The following RSRC1 variants were observed in gnomAD, a reference collection of about 807,000 sequenced individuals.
RSRC1 encodes the protein serine/Arginine-related protein 53.
Under a neutral mutation model 49.1 loss-of-function variants are expected in RSRC1, and 39 were observed. That is an observed-to-expected ratio of 0.79 (90% CI 0.61 to 1.04). The LOEUF (loss-of-function observed/expected upper bound fraction) is 1.04, where lower values mean the gene tolerates loss of function less well. RSRC1 is among the 50% of genes least tolerant of loss of function. The pLI is 0.00. For missense variants in RSRC1, 388 were observed against 402.4 expected (o/e 0.96, Z 0.31); for synonymous variants, 143 against 130.8 (o/e 1.09, Z -0.63).
At chr3:158,277,921 G>A (rs1435865188) in intron 4 of RSRC1, among the ~76,000 whole-genome samples, 2 of 152,130 alleles carry the variant, frequency 1.3e-5, no homozygotes, top group Non-Finnish European at 2.9e-5. Flanking sequence ...CCTAGTAGTT[G>A]GGATTATAGG....
intron 4 of RSRC1, among the ~76,000 whole-genome samples, chr3:158,277,456 A>G (rs147176336): frequency 5.8e-4 from 89 of 152,322 alleles, no homozygotes; most frequent in African/African-American, 2.0e-3. Flanking sequence ...CTGCAGATTA[A>G]TCACTTCCAA....
intron 6 of RSRC1, among the ~76,000 whole-genome samples, chr3:158,456,861 A>T (rs1737355534): frequency 6.6e-6 from 1 of 152,126 alleles, no homozygotes; most frequent in South Asian, 2.1e-4. Flanking sequence ...CTTTTTTAAA[A>T]TTTTTTTAAA....
At chr3:158,444,797 A>C (rs1361377776) in intron 6 of RSRC1, among the ~76,000 whole-genome samples, 5 of 152,184 alleles carry the variant, frequency 3.3e-5, no homozygotes, top group African/African-American at 9.7e-5. Flanking sequence ...CAAAGAACTC[A>C]AACAAATTTA....
chr3:158,317,498 G>A (rs1728527440), intron 5 of RSRC1, among the ~76,000 whole-genome samples: 1 of 152,112 alleles, frequency 6.6e-6, no homozygotes, highest in Non-Finnish European at 1.5e-5. Context: ...CCAAAGTGCT[G>A]GTATTACAGG....
rs181664400 is a variant in RSRC1 at position 158,269,608 on chromosome 3, G to A, written c.495-28431G>A. 2.5e-3 allele frequency among the ~76,000 whole-genome samples: 376 copies of A among 152,200 alleles called. 1 individual carries two copies. The highest frequency in any genetic ancestry group is 8.8e-3 in the African/African-American group (364 of 41,508). On this transcript the variant is annotated intron_variant, in intron 4 of 9. Coordinates refer to ENST00000611884, the MANE Select transcript of RSRC1 (RefSeq NM_001271838.2). ...GCTTACTGCAACCTCTGCCTCCCGGGTTGAAGTGACTCTCCTGCCTCAGCC... is the reference window on the plus strand; with the variant it reads ...GCTTACTGCAACCTCTGCCTCCCGGATTGAAGTGACTCTCCTGCCTCAGCC...
chr3:158,285,175 G>C (rs367805362), intron 4 of RSRC1, among the ~76,000 whole-genome samples: 72 of 152,148 alleles, frequency 4.7e-4, no homozygotes, highest in Admixed American at 2.0e-3. Context: ...GCTTGTTTTT[G>C]TCAGGTTTGT....
intron 3 of RSRC1, among the ~76,000 whole-genome samples, chr3:158,149,614 A>G (rs942331644): frequency 1.1e-4 from 16 of 152,142 alleles, no homozygotes; most frequent in African/African-American, 3.9e-4. Context: ...GAAGAGGGTA[A>G]ATTATTTGAG....
At chr3:158,263,280 G>A (rs976460584) in intron 4 of RSRC1, among the ~76,000 whole-genome samples, 19 of 152,122 alleles carry the variant, frequency 1.2e-4, no homozygotes, top group African/African-American at 3.9e-4. Flanking sequence ...CTACTGAAAC[G>A]ATTATACTGC....
At chr3:158,197,982 A>C (rs1348920971) in intron 3 of RSRC1, among the ~76,000 whole-genome samples, 1 of 152,050 alleles carries the variant, frequency 6.6e-6, no homozygotes. Flanking sequence ...TTTGGGGTGG[A>C]GAGTTCTGTA....
chr3:158,485,238 TG>T (rs1315978587), intron 7 of RSRC1, among the ~76,000 whole-genome samples: 2 of 152,096 alleles, frequency 1.3e-5, no homozygotes, highest in African/African-American at 4.8e-5. Flanking sequence ...TGAAGTTAAT[TG>T]TATGTTGTAT....
chr3:158,318,780 A>T (rs1174840118), intron 5 of RSRC1, among the ~76,000 whole-genome samples: 4 of 152,240 alleles, frequency 2.6e-5, no homozygotes, highest in African/African-American at 9.6e-5. Flanking sequence ...TACATTACAC[A>T]TTCTGTTAAG....
chr3:158,534,665 A>G (rs1277777473), intron 7 of RSRC1, among the ~76,000 whole-genome samples: 1 of 151,606 alleles, frequency 6.6e-6, no homozygotes, highest in Non-Finnish European at 1.5e-5. Flanking sequence ...GCTATTTATT[A>G]AAGCTGTAAC....
At chr3:158,292,763 T>C (rs1395257373) in intron 4 of RSRC1, among the ~76,000 whole-genome samples, 1 of 152,212 alleles carries the variant, frequency 6.6e-6, no homozygotes, top group African/African-American at 2.4e-5. Context: ...TCCTCCATCA[T>C]AATAACATTT....
intron 1 of RSRC1, among the ~76,000 whole-genome samples, chr3:158,120,739 C>T (rs185617959): frequency 6.8e-6 from 1 of 148,080 alleles, no homozygotes; most frequent in African/African-American, 2.5e-5. Flanking sequence ...ACTGCAATTA[C>T]TTTTGCACCA....
intron 3 of RSRC1, among the ~76,000 whole-genome samples, chr3:158,160,193 TTG>T (rs758507359): frequency 1.2e-4 from 19 of 152,286 alleles, no homozygotes; most frequent in Non-Finnish European, 2.6e-4. Context: ...AGATGAATGA[TTG>T]TGTCTGTGTC....
At chr3:158,345,657 A>G (rs1008245564) in intron 5 of RSRC1, among the ~76,000 whole-genome samples, 2 of 151,994 alleles carry the variant, frequency 1.3e-5, no homozygotes, top group Non-Finnish European at 2.9e-5. Context: ...TCTGATTTCA[A>G]GAACTAATAC....
intron 5 of RSRC1, among the ~76,000 whole-genome samples, chr3:158,354,587 G>A (rs1731057649): frequency 6.6e-6 from 1 of 152,006 alleles, no homozygotes; most frequent in South Asian, 2.1e-4. Context: ...GCCTTGCCTT[G>A]TTATTAAATT....
rs1716444517 is a variant in RSRC1, at chr3:158,137,404, AT to A, written c.320+13414del. 2.2e-4 allele frequency among the ~76,000 whole-genome samples: 3 copies of A among 13,690 alleles called. No homozygotes were observed. In the African/African-American group the frequency reaches 2.5e-3, roughly 11 times the overall value. 9.0% of individuals were successfully genotyped at this position (13,690 alleles called of 152,430 possible). A position where few individuals can be genotyped will look rare whatever the true frequency, so the allele number is the denominator to read the frequency against. On this transcript the variant is annotated intron_variant, in intron 3 of 9. Coordinates refer to ENST00000611884, the MANE Select transcript of RSRC1 (RefSeq NM_001271838.2). ...AGATATATAATACTGACCCAATTAA[AT>A]ATATATATATATATAATAACACTAT...
chr3:158,430,072 C>A (rs939196219), intron 6 of RSRC1, among the ~76,000 whole-genome samples: 92 of 129,868 alleles, frequency 7.1e-4, no homozygotes, highest in African/African-American at 2.2e-3. Context: ...ACCACACACA[C>A]AAAAAAAATA....
Sources: allele counts gnomAD v4.1 joint callset (sites outside exome capture counted in the v4.1 genomes callset), GRCh38; gene constraint gnomAD v4.1.1; transcripts MANE v1.5; gene names NCBI Gene and HGNC (gene_info 2026-07-23, HGNC 2026-07-21).